PRR5: variants seen among roughly 807,000 people sequenced by gnomAD.
PRR5 encodes proline-rich protein 5.
In PRR5, 25 loss-of-function variants were observed where a neutral mutation model predicts 30.6. The ratio of observed to expected loss-of-function variants is 0.82; its 90% CI spans 0.60 to 1.14. The LOEUF (loss-of-function observed/expected upper bound fraction) is 1.14, where lower values mean the gene tolerates loss of function less well. PRR5 is among the 50% of genes most tolerant of loss of function. The pLI, the probability that PRR5 is intolerant of heterozygous loss-of-function variation, is 0.00. For missense variants in PRR5, 600 were observed against 547.1 expected (o/e 1.10, Z -0.96); for synonymous variants, 286 against 247.1 (o/e 1.16, Z -1.48).
Position 44,732,945 on chromosome 22 carries a change from GTGCA to G in PRR5, c.555+555_555+558del, listed in dbSNP as rs1460057400. 5.5e-4 allele frequency among the ~76,000 whole-genome samples: 56 copies of G among 100,908 alleles called. No individual in the cohort carries two copies. In the South Asian group the frequency reaches 0.018, roughly 32 times the overall value. 66.2% of individuals were successfully genotyped at this position (100,908 alleles called of 152,430 possible). A position where few individuals can be genotyped will look rare whatever the true frequency, so the allele number is the denominator to read the frequency against. On this transcript the variant is annotated intron_variant, in intron 6 of 7. Transcript: ENST00000336985. ...GTGCGCACGCACATACTACACACGT[GTGCA>G]CACATACGCGTGCACACGCATACAC...
chr22:44,725,811 C>T (rs949525089), intron 3 of PRR5, among the ~76,000 whole-genome samples: 2 of 152,116 alleles, frequency 1.3e-5, no homozygotes, highest in Non-Finnish European at 2.9e-5. Flanking sequence ...ATTACAGGTA[C>T]CCACCATCTT....
At position 44,737,227 on chromosome 22, in the gene PRR5, G is replaced by T. The variant is rs1210099358; in HGVS notation, c.1147G>T (p.Gly383Cys). 1 of 1,604,318 alleles carries T rather than the reference G, an allele frequency of 6.2e-7. No individual in the cohort carries two copies. The highest frequency in any genetic ancestry group is 2.2e-5 in the East Asian group (1 of 44,584). The part of the protein sequence containing the change: ...SGMSDLEGSG[G>C]RQSVV ...CATGTCCGACTTGGAGGGCTCTGGG[G>T]GCCGGCAGAGTGTCGTGTGAGGCCT... Residue 383 changes from glycine (G) to cysteine (C), a missense_variant, in exon 8 of 8, where the codon GGC (glycine) becomes TGC (cysteine). Gly to Cys is a radical substitution (Grantham distance 159, BLOSUM62 -3). Coordinates refer to ENST00000336985, the MANE Select transcript of PRR5 (RefSeq NM_181333.4).
At position 44,737,575 on chromosome 22, in the gene PRR5, T is replaced by C; in HGVS notation, c.*328T>C. The stretch of plus-strand genomic sequence containing the variant: ...CACAGAGAATGTAAACCCAGTGGGC[T>C]CTGCCCACGCCGGGCCCCAAAGTGA... On this transcript the variant is annotated 3_prime_UTR_variant, in exon 8 of 8. Transcript: ENST00000336985. 3.2e-6 allele frequency: 1 copy of C among 313,748 alleles called. No homozygotes were observed. 19.4% of individuals were successfully genotyped at this position (313,748 alleles called of 1,614,324 possible).
At chr22:44,735,273 A>G in intron 7 of PRR5, 111 bp downstream of exon 7, 1 of 1,368,696 alleles carries the variant, frequency 7.3e-7, no homozygotes, top group South Asian at 1.4e-5. Context: ...CTGACTCCAG[A>G]CTGGTTCTCA....
intron 7 of PRR5, among the ~76,000 whole-genome samples, chr22:44,735,681 G>A (rs1923098112): frequency 6.6e-6 from 1 of 152,134 alleles, no homozygotes. Flanking sequence ...CCCATCCCGA[G>A]CCCACGCCCT....
intron 1 of PRR5, among the ~76,000 whole-genome samples, chr22:44,694,532 A>G (rs949418521): frequency 6.6e-6 from 1 of 152,010 alleles, no homozygotes; most frequent in African/African-American, 2.4e-5. Context: ...GACTCCATCC[A>G]TGCACGGACA....
At chr22:44,704,969 C>G (rs918140068) in intron 1 of PRR5, among the ~76,000 whole-genome samples, 1 of 152,160 alleles carries the variant, frequency 6.6e-6, no homozygotes, top group Non-Finnish European at 1.5e-5. Context: ...CCAGGGCCCC[C>G]TAGGACAACA....
intron 1 of PRR5, among the ~76,000 whole-genome samples, chr22:44,704,302 C>A (rs1216491970): frequency 6.6e-6 from 1 of 152,162 alleles, no homozygotes; most frequent in Non-Finnish European, 1.5e-5. Flanking sequence ...AGCTCCCTCC[C>A]ACCCCCGAGG....
At chr22:44,683,984 T>G (rs1924518448) in intron 1 of PRR5, among the ~76,000 whole-genome samples, 2 of 152,206 alleles carry the variant, frequency 1.3e-5, no homozygotes, top group Admixed American at 6.5e-5. Flanking sequence ...GGGGTTGGTT[T>G]CATTGGCTTT....
At position 44,691,414 on chromosome 22, in the gene PRR5, C is replaced by T. The variant is rs534536198; in HGVS notation, c.-10-11078C>T. Among the ~76,000 whole-genome samples the T allele has an allele frequency of 2.0e-5, 3 of 152,238 alleles. No individual in the cohort carries two copies. Among genetic ancestry groups the T allele is most frequent in the African/African-American group, 4.8e-5 (2 of 41,548 alleles). Reference sequence around the variant, plus strand: ...CGCGCTGGGCACAGCATGTACTCAGCGGTGGGGACCCTGCCCTAGACTCAG... The same window carrying T: ...CGCGCTGGGCACAGCATGTACTCAGTGGTGGGGACCCTGCCCTAGACTCAG... On this transcript the variant is annotated intron_variant, in intron 1 of 8. Coordinates refer to the PRR5 transcript ENST00000006251. This position sits in a 1 kb window ranked among gnomAD's most constrained non-coding sequence, Gnocchi z 4.4.
intron 2 of PRR5, among the ~76,000 whole-genome samples, chr22:44,724,351 G>A (rs371254545): frequency 3.3e-5 from 5 of 152,046 alleles, no homozygotes; most frequent in South Asian, 2.1e-4. Context: ...CAGGAGAATC[G>A]CTTGAACCCG....
chr22:44,729,001 A>G (rs1019186898), intron 4 of PRR5, among the ~76,000 whole-genome samples: 7 of 152,182 alleles, frequency 4.6e-5, no homozygotes, highest in Admixed American at 4.6e-4. Flanking sequence ...GTGTGGCTTA[A>G]GGGAATCGGC....
At chr22:44,709,854 A>G (rs1414253947) in intron 1 of PRR5, among the ~76,000 whole-genome samples, 1 of 152,178 alleles carries the variant, frequency 6.6e-6, no homozygotes, top group Non-Finnish European at 1.5e-5. Flanking sequence ...TCCATCTCAA[A>G]AAAACAAACA....
intron 7 of PRR5, among the ~76,000 whole-genome samples, chr22:44,736,233 G>A (rs1344272515): frequency 6.6e-6 from 1 of 152,196 alleles, no homozygotes; most frequent in African/African-American, 2.4e-5. Context: ...CTGGCTACAG[G>A]CTCCCCGCAT....
At chr22:44,733,940 T>G (rs539435403) in intron 6 of PRR5, among the ~76,000 whole-genome samples, 1 of 152,304 alleles carries the variant, frequency 6.6e-6, no homozygotes, top group Admixed American at 6.5e-5. Context: ...AGTCCTGGGT[T>G]AGTCCTCGCC....
Position 44,729,920 on chromosome 22 carries a change from G to T in PRR5, c.323-1810G>T, listed in dbSNP as rs546180657. 56 of 985,492 alleles carry T rather than the reference G, an allele frequency of 5.7e-5. No homozygotes were observed. The South Asian group carries it at 2.3e-3, about 41-fold the overall frequency. The allele number at this position is 985,492 out of a possible 1,614,324, so 61.0% of individuals were successfully genotyped here. On this transcript the variant is annotated intron_variant, in intron 4 of 7. Coordinates refer to ENST00000336985, the MANE Select transcript of PRR5 (RefSeq NM_181333.4). ...CTTCCTGCCGCGGCGGAGGGGGACT[G>T]AAGGGACTTTGTGTGTGGGCACAGT...
chr22:44,697,597 G>A (rs1304692552), upstream of PRR5, among the ~76,000 whole-genome samples: 1 of 152,224 alleles, frequency 6.6e-6, no homozygotes, highest in Non-Finnish European at 1.5e-5. Context: ...CCAGGGGGCG[G>A]ACGTGCCCCT....
intron 4 of PRR5, chr22:44,729,487 C>T (rs1921515371): frequency 1.0e-6 from 1 of 985,614 alleles, no homozygotes; most frequent in Non-Finnish European, 1.2e-6. Context: ...GGCGCGCACA[C>T]ACCCGGCCCC....
chr22:44,672,807 C>T (rs1048333161), upstream of PRR5, among the ~76,000 whole-genome samples: 19 of 152,186 alleles, frequency 1.2e-4, no homozygotes, highest in Non-Finnish European at 2.5e-4. Flanking sequence ...ACGAGGTGGG[C>T]GTGGCCCTGC....
Sources: gnomAD v4.1 joint callset for allele counts (sites outside exome capture counted in the v4.1 genomes callset) on GRCh38, gnomAD v4.1.1 for gene constraint, Gnocchi (gnomAD v3.1) non-coding constraint, MANE v1.5 for transcripts, NCBI Gene and HGNC (gene_info 2026-07-23, HGNC 2026-07-21) for gene names.